MSRA: variants seen among roughly 807,000 people sequenced by gnomAD.
MSRA encodes the protein mitochondrial peptide methionine sulfoxide reductase.
A neutral mutation model predicts 31.3 loss-of-function variants in MSRA; 54 were observed. The ratio of observed to expected loss-of-function variants is 1.73; its 90% CI spans 1.39 to 2.17. MSRA has a LOEUF of 2.17. Ranked by LOEUF, MSRA falls within the 30% of genes most tolerant of loss-of-function variation. MSRA has a pLI of 0.00. For synonymous variants in MSRA, 169 were observed against 116.5 expected (o/e 1.45, Z -2.90); for missense variants, 507 against 300.9 (o/e 1.69, Z -5.07).
chr8:10,234,994 C>G (rs1305578400), intron 2 of MSRA, among the ~76,000 whole-genome samples: 2 of 151,974 alleles, frequency 1.3e-5, no homozygotes, highest in Non-Finnish European at 2.9e-5. Flanking sequence ...AATTGAATCT[C>G]TAAGAATCAG....
At chr8:10,124,779 G>A (rs1337691592) in intron 1 of MSRA, among the ~76,000 whole-genome samples, 2 of 148,484 alleles carry the variant, frequency 1.3e-5, no homozygotes, top group East Asian at 4.1e-4. Context: ...CATTTTTATG[G>A]ATTAGATATG....
At chr8:10,332,583 T>A (rs904801260) in intron 5 of MSRA, among the ~76,000 whole-genome samples, 1 of 152,166 alleles carries the variant, frequency 6.6e-6, no homozygotes, top group Non-Finnish European at 1.5e-5. Flanking sequence ...ATTTTAAAAG[T>A]GCCCATTTCT....
chr8:10,260,176 G>A (rs754922914), intron 3 of MSRA, among the ~76,000 whole-genome samples: 1 of 152,182 alleles, frequency 6.6e-6, no homozygotes, highest in Non-Finnish European at 1.5e-5. Flanking sequence ...GTGTGTGGGC[G>A]AGCCATTGAT....
intron 1 of MSRA, among the ~76,000 whole-genome samples, chr8:10,080,015 T>C (rs1490967421): frequency 6.6e-6 from 1 of 152,224 alleles, no homozygotes; most frequent in Non-Finnish European, 1.5e-5. Context: ...CCCGTCAAAA[T>C]TAATCTCCTT....
At chr8:10,232,110 G>T (rs929683377) in intron 2 of MSRA, among the ~76,000 whole-genome samples, 2 of 152,158 alleles carry the variant, frequency 1.3e-5, no homozygotes, top group African/African-American at 4.8e-5. Context: ...CCCAGGGGTG[G>T]AGGCTGCCCT....
At chr8:10,109,883 C>T (rs905028230) in intron 1 of MSRA, among the ~76,000 whole-genome samples, 2 of 152,154 alleles carry the variant, frequency 1.3e-5, no homozygotes, top group East Asian at 1.9e-4. Flanking sequence ...CTGAATATGG[C>T]CTTAGGCTCT....
intron 2 of MSRA, among the ~76,000 whole-genome samples, chr8:10,243,120 A>G (rs1563260812): frequency 6.6e-6 from 1 of 152,220 alleles, no homozygotes; most frequent in Non-Finnish European, 1.5e-5. Context: ...AGGTCAGGAC[A>G]GGCTAGCTAC....
chr8:10,063,561 C>A (rs532462109), intron 1 of MSRA, among the ~76,000 whole-genome samples: 1 of 152,076 alleles, frequency 6.6e-6, no homozygotes, highest in Non-Finnish European at 1.5e-5. Flanking sequence ...CCTCACCCCC[C>A]CAGGTGATGG....
intron 1 of MSRA, among the ~76,000 whole-genome samples, chr8:10,194,341 T>TGGAC (rs1807789194): frequency 6.6e-6 from 1 of 152,082 alleles, no homozygotes; most frequent in Non-Finnish European, 1.5e-5. Context: ...CCGAGACAGG[T>TGGAC]GGATCACTTG....
chr8:10,383,061 T>G (rs1023801077), intron 5 of MSRA, among the ~76,000 whole-genome samples: 4 of 152,188 alleles, frequency 2.6e-5, no homozygotes, highest in Non-Finnish European at 5.9e-5. Context: ...CATGAGAGAA[T>G]GCTGTGTTCA....
At chr8:10,284,660 T>G (rs977903545) in intron 3 of MSRA, among the ~76,000 whole-genome samples, 1 of 152,154 alleles carries the variant, frequency 6.6e-6, no homozygotes, top group African/African-American at 2.4e-5. Flanking sequence ...TTTAGCACAG[T>G]GTGGAGGTAG....
intron 2 of MSRA, among the ~76,000 whole-genome samples, chr8:10,237,245 C>T (rs760095457): frequency 1.4e-4 from 21 of 152,186 alleles, no homozygotes; most frequent in Non-Finnish European, 2.4e-4. Flanking sequence ...GGGGGTGGAG[C>T]GCAAAGCTCC....
At chr8:10,151,496 A>G (rs559145121) in intron 1 of MSRA, among the ~76,000 whole-genome samples, 3 of 152,034 alleles carry the variant, frequency 2.0e-5, no homozygotes, top group Non-Finnish European at 4.4e-5. Context: ...ACAAAAAATA[A>G]AAAATTAGCC....
At chr8:10,284,843 G>C (rs1799849546) in intron 3 of MSRA, among the ~76,000 whole-genome samples, 1 of 152,096 alleles carries the variant, frequency 6.6e-6, no homozygotes, top group South Asian at 2.1e-4. Context: ...AGTTGAGTTA[G>C]TATATGTAAA....
chr8:10,340,670 G>A (rs548995897), intron 5 of MSRA, among the ~76,000 whole-genome samples: 4 of 152,346 alleles, frequency 2.6e-5, no homozygotes, highest in Admixed American at 6.5e-5. Context: ...ACTGTGTCCC[G>A]CCAGATTGGA....
intron 5 of MSRA, among the ~76,000 whole-genome samples, chr8:10,366,017 C>T (rs61571274): frequency 2.6e-5 from 4 of 152,368 alleles, no homozygotes; most frequent in African/African-American, 9.6e-5. Flanking sequence ...CATTCCCCTG[C>T]TCCTTCAGGA....
intron 2 of MSRA, among the ~76,000 whole-genome samples, chr8:10,244,483 C>G (rs74830580): frequency 0.017 from 2,598 of 152,262 alleles, 79 homozygotes; most frequent in African/African-American, 0.06. Flanking sequence ...CATTCTCTCC[C>G]TGCCTCCCTT....
chr8:10,284,413 C>G (rs1267050551), intron 3 of MSRA, among the ~76,000 whole-genome samples: 1 of 152,104 alleles, frequency 6.6e-6, no homozygotes, highest in African/African-American at 2.4e-5. Context: ...AGGCTGGACT[C>G]AAACTCCTCA....
intron 4 of MSRA, among the ~76,000 whole-genome samples, chr8:10,302,593 C>A (rs1163262882): frequency 6.6e-6 from 1 of 152,234 alleles, no homozygotes; most frequent in Non-Finnish European, 1.5e-5. Context: ...GTCCTGAGTG[C>A]TGGTTCTAAG....
Sources: gnomAD v4.1 joint callset for allele counts (sites outside exome capture counted in the v4.1 genomes callset) on GRCh38, gnomAD v4.1.1 for gene constraint, MANE v1.5 for transcripts, NCBI Gene and HGNC (gene_info 2026-07-23, HGNC 2026-07-21) for gene names.